LOXL2: variants seen among roughly 807,000 people sequenced by gnomAD.
LOXL2 encodes the protein lysyl oxidase homolog 2.
A neutral mutation model predicts 93.0 loss-of-function variants in LOXL2; 70 were observed. That is an observed-to-expected ratio of 0.75 (90% confidence interval 0.62 to 0.92). LOXL2 has a LOEUF of 0.92. Among genes scored for constraint, LOXL2 ranks in the 40% least tolerant of loss-of-function variants. The pLI is 0.00. For missense variants in LOXL2, 973 were observed against 1,054.9 expected (o/e 0.92, Z 1.08); for synonymous variants, 438 against 413.2 (o/e 1.06, Z -0.73).
chr8:23,310,426 T>G (rs1369324640), intron 9 of LOXL2, among the ~76,000 whole-genome samples: 1 of 152,236 alleles, frequency 6.6e-6, no homozygotes, highest in Non-Finnish European at 1.5e-5. Flanking sequence ...GGATTTATGG[T>G]GCACTAATAC....
chr8:23,402,073 CACACACAT>C (rs1465636288), intron 1 of LOXL2, among the ~76,000 whole-genome samples: 2 of 151,720 alleles, frequency 1.3e-5, no homozygotes, highest in Admixed American at 6.6e-5. Context: ...CAAACGCGCA[CACACACAT>C]ACACATGCAA....
At chr8:23,361,836 C>T (rs1804295899) in intron 2 of LOXL2, among the ~76,000 whole-genome samples, 1 of 138,542 alleles carries the variant, frequency 7.2e-6, no homozygotes, top group South Asian at 2.4e-4. Flanking sequence ...AAGACTCCGT[C>T]TCAAAAACAA....
At chr8:23,309,954 C>T in intron 9 of LOXL2, 43 bp from the exon 10 acceptor site, 1 of 1,411,720 alleles carries the variant, frequency 7.1e-7, no homozygotes, top group Non-Finnish European at 9.3e-7. Context: ...AGAGACCCCT[C>T]CCCAGGGCTT....
At chr8:23,319,197 C>T (rs1304149518) in intron 8 of LOXL2, among the ~76,000 whole-genome samples, 1 of 151,866 alleles carries the variant, frequency 6.6e-6, no homozygotes, top group Non-Finnish European at 1.5e-5. Flanking sequence ...GGCTGCTTTG[C>T]CTCAGACCAT....
At chr8:23,345,207 T>G (rs1459464229) in intron 3 of LOXL2, among the ~76,000 whole-genome samples, 2 of 152,202 alleles carry the variant, frequency 1.3e-5, no homozygotes, top group Admixed American at 1.3e-4. Context: ...TAAACAAGTA[T>G]GCAAATTGAG....
intron 4 of LOXL2, among the ~76,000 whole-genome samples, chr8:23,340,248 G>A (rs1187424003): frequency 1.3e-5 from 2 of 152,124 alleles, no homozygotes; most frequent in African/African-American, 4.8e-5. Flanking sequence ...ATAGTGCCTG[G>A]CACATTATAA....
chr8:23,345,842 G>T (rs961810418), intron 3 of LOXL2, among the ~76,000 whole-genome samples: 4 of 152,142 alleles, frequency 2.6e-5, no homozygotes, highest in African/African-American at 9.7e-5. Flanking sequence ...GCCGAGGCAG[G>T]CGGATCACGA....
At chr8:23,382,590 T>C (rs907344972) in intron 1 of LOXL2, 1 of 152,042 alleles carries the variant, frequency 6.6e-6, no homozygotes, top group Non-Finnish European at 1.5e-5. Flanking sequence ...TTTCTGACTT[T>C]ATCCTCACTT....
Position 23,319,961 on chromosome 8 carries a change from C to T in LOXL2, c.1394G>A (p.Gly465Asp). Residue 465 changes from glycine to aspartate, a missense_variant, in exon 8 of 14, where the codon GGC becomes GAC. Gly to Asp is a moderately conservative substitution (Grantham distance 94). Transcript: ENST00000389131. Reference sequence around the variant, plus strand: ...GGCCTCCACGATGCCCCAGTTTTGGCCACACACCATCCCCCACACAAGGGA... The same window carrying T: ...GGCCTCCACGATGCCCCAGTTTTGGTCACACACCATCCCCCACACAAGGGA... Reference protein sequence around the residue: ...NGSLVWGMVCGQNWGIVEAMV... With the variant: ...NGSLVWGMVCDQNWGIVEAMV... 4 of 1,614,056 alleles carry T rather than the reference C, an allele frequency of 2.5e-6. No individual in the cohort carries two copies. Among genetic ancestry groups the T allele is most frequent in the Non-Finnish European group, 3.4e-6 (4 of 1,179,970 alleles).
Position 23,360,159 on chromosome 8 carries a change from G to A in LOXL2, c.462C>T (p.Val154=), listed in dbSNP as rs776373595. 21 of 1,613,930 alleles carry A rather than the reference G, an allele frequency of 1.3e-5. No individual in the cohort carries two copies. Among genetic ancestry groups the A allele is most frequent in the Non-Finnish European group, 1.7e-5 (20 of 1,179,938 alleles). The change falls in exon 3 of 14, where the codon GTC becomes GTT. Residue 154 remains valine, a synonymous_variant. Coordinates refer to ENST00000389131, the MANE Select transcript of LOXL2 (RefSeq NM_002318.3). The part of the protein sequence containing the change: ...GVTDCKHTED[V]GVVCSDKRIP... ...TCCTTTTGTCGCTGCACACCACACC[G>A]ACATCCTCCGTGTGCTTGCAGTCAG...
At chr8:23,396,211 G>A (rs767301413) in intron 1 of LOXL2, among the ~76,000 whole-genome samples, 8 of 151,912 alleles carry the variant, frequency 5.3e-5, no homozygotes, top group South Asian at 4.2e-4. Context: ...CCAGCTACTC[G>A]GGAGGCTGAG....
chr8:23,342,739 C>A (rs189079851), intron 3 of LOXL2, among the ~76,000 whole-genome samples: 4 of 151,182 alleles, frequency 2.6e-5, no homozygotes, highest in Non-Finnish European at 5.9e-5. Context: ...CCTTTTTTTT[C>A]TTTTAATTAA....
At chr8:23,354,951 T>TA (rs1563200197) in intron 3 of LOXL2, among the ~76,000 whole-genome samples, 314 of 18,980 alleles carry the variant, frequency 0.017, 2 homozygotes, top group African/African-American at 0.059. Flanking sequence ...ATATATATAT[T>TA]TTTTTTTTTT....
chr8:23,365,642 C>T (rs1030560303), intron 2 of LOXL2: 1 of 151,992 alleles, frequency 6.6e-6, no homozygotes, highest in African/African-American at 2.4e-5. Flanking sequence ...CGTTAATACA[C>T]CTCCTCTCTC....
At chr8:23,372,857 G>A (rs920453388) in intron 1 of LOXL2, among the ~76,000 whole-genome samples, 3 of 152,174 alleles carry the variant, frequency 2.0e-5, no homozygotes, top group African/African-American at 7.2e-5. Flanking sequence ...TCCTGGGGTT[G>A]AAGATGTGAA....
chr8:23,332,600 TCA>T lies in LOXL2; in HGVS notation c.966+799_966+800del, dbSNP rs1269845194. On this transcript the variant is annotated intron_variant, in intron 5 of 13. Transcript: ENST00000389131. Reference sequence around the variant, plus strand: ...CGCACACATCCCCCCCAGACACCCCTCACAATCATACACACCCAACACACCCA... The same window carrying T: ...CGCACACATCCCCCCCAGACACCCCTCAATCATACACACCCAACACACCCA... Among the ~76,000 whole-genome samples, 5 of 46,728 alleles carry T rather than the reference TCA, an allele frequency of 1.1e-4. No individual in the cohort carries two copies. The Admixed American group carries it at 1.6e-3, about 15-fold the overall frequency. The allele number at this position is 46,728 out of a possible 152,430, so 30.7% of individuals were successfully genotyped here.
At chr8:23,309,086 G>C (rs1006634708) in intron 10 of LOXL2, among the ~76,000 whole-genome samples, 1 of 151,266 alleles carries the variant, frequency 6.6e-6, no homozygotes, top group African/African-American at 2.4e-5. Context: ...CTGGGTTCAC[G>C]CCATTCTCCT....
chr8:23,340,615 G>C (rs75758907), intron 4 of LOXL2, among the ~76,000 whole-genome samples: 2,935 of 152,264 alleles, frequency 0.019, 100 homozygotes, highest in East Asian at 0.13. Context: ...GGTGTTGTCT[G>C]TGCCCAGCCT....
chr8:23,370,690 T>G (rs1804480767), intron 1 of LOXL2: 1 of 152,124 alleles, frequency 6.6e-6, no homozygotes, highest in Non-Finnish European at 1.5e-5. Flanking sequence ...TCCACGGCAG[T>G]GATCAACAGG....
Sources: gnomAD v4.1 joint callset for allele counts (sites outside exome capture counted in the v4.1 genomes callset) on GRCh38, gnomAD v4.1.1 for gene constraint, MANE v1.5 for transcripts, NCBI Gene and HGNC (gene_info 2026-07-23, HGNC 2026-07-21) for gene names.